Variants in SGCZ observed in about 807,000 individuals in gnomAD.
SGCZ encodes the protein sarcoglycan zeta, also known as zeta-sarcoglycan.
A neutral mutation model predicts 41.3 loss-of-function variants in SGCZ; 40 were observed. That is an observed-to-expected ratio of 0.97 (90% CI 0.75 to 1.26). The LOEUF is 1.26. SGCZ is among the 50% of genes most tolerant of loss of function. The pLI is 0.00. For missense variants in SGCZ, 552 were observed against 369.8 expected (o/e 1.49, Z -4.04); for synonymous variants, 206 against 137.5 (o/e 1.50, Z -3.49).
chr8:14,515,586 A>G (rs1474008909), intron 2 of SGCZ, among the ~76,000 whole-genome samples: 3 of 152,130 alleles, frequency 2.0e-5, no homozygotes, highest in Admixed American at 2.0e-4. Context: ...GTTTATTTAT[A>G]ACTATTTGAA....
intron 1 of SGCZ, among the ~76,000 whole-genome samples, chr8:15,091,834 G>A (rs186844371): frequency 6.6e-6 from 1 of 152,180 alleles, no homozygotes; most frequent in Non-Finnish European, 1.5e-5. Flanking sequence ...CTCACTGCAG[G>A]TTCCACATCC....
chr8:14,768,373 G>A (rs1800112321), intron 1 of SGCZ, among the ~76,000 whole-genome samples: 1 of 152,166 alleles, frequency 6.6e-6, no homozygotes, highest in South Asian at 2.1e-4. Flanking sequence ...GCGTCCTATA[G>A]TGATAATGAA....
intron 1 of SGCZ, among the ~76,000 whole-genome samples, chr8:14,621,345 G>A (rs1312396862): frequency 1.9e-4 from 29 of 150,202 alleles, no homozygotes; most frequent in African/African-American, 5.9e-4. Flanking sequence ...TAAATGACAA[G>A]TTAACGGGTG....
chr8:14,466,427 G>C (rs1216723056), intron 2 of SGCZ, among the ~76,000 whole-genome samples: 2 of 151,952 alleles, frequency 1.3e-5, no homozygotes, highest in Non-Finnish European at 2.9e-5. Context: ...CAAAGGTCTA[G>C]ATTATAACAT....
chr8:14,624,802 C>G (rs954540933), intron 1 of SGCZ, among the ~76,000 whole-genome samples: 7 of 151,692 alleles, frequency 4.6e-5, no homozygotes, highest in Non-Finnish European at 1.0e-4. Context: ...AACTCCTGAC[C>G]TCAGGAGATC....
At chr8:14,437,324 T>C (rs1800122011) in intron 2 of SGCZ, among the ~76,000 whole-genome samples, 1 of 152,178 alleles carries the variant, frequency 6.6e-6, no homozygotes, top group Admixed American at 6.5e-5. Context: ...TTACCACTTG[T>C]CAAGTTTTGC....
chr8:14,785,764 G>T (rs1287897773), intron 1 of SGCZ, among the ~76,000 whole-genome samples: 3 of 152,042 alleles, frequency 2.0e-5, no homozygotes, highest in African/African-American at 7.2e-5. Flanking sequence ...GCTTTAACTT[G>T]TTACTCTTTT....
intron 1 of SGCZ, among the ~76,000 whole-genome samples, chr8:15,235,494 C>G (rs547002289): frequency 7.9e-5 from 12 of 152,162 alleles, no homozygotes; most frequent in Non-Finnish European, 1.5e-4. Flanking sequence ...CAATATACCC[C>G]CTCATGCCCA....
At chr8:14,624,284 C>CAATGTTTAT (rs1806377351) in intron 1 of SGCZ, among the ~76,000 whole-genome samples, 1 of 152,070 alleles carries the variant, frequency 6.6e-6, no homozygotes, top group South Asian at 2.1e-4. Context: ...CCCCCAATAA[C>CAATGTTTAT]AATGTTTATA....
chr8:14,116,342 T>C (rs1287265795), intron 5 of SGCZ, among the ~76,000 whole-genome samples: 2 of 152,092 alleles, frequency 1.3e-5, no homozygotes, highest in South Asian at 4.1e-4. Flanking sequence ...TATTTAGAAT[T>C]TCCTTCTTAC....
At chr8:15,237,549 G>C in intron 1 of SGCZ, 36 bp downstream of exon 1, 1 of 1,580,556 alleles carries the variant, frequency 6.3e-7, no homozygotes, top group Non-Finnish European at 8.6e-7. Flanking sequence ...GGAGCGCCGA[G>C]AAGCGGCCGC....
At chr8:14,485,018 T>C (rs1319302441) in intron 2 of SGCZ, among the ~76,000 whole-genome samples, 2 of 152,190 alleles carry the variant, frequency 1.3e-5, no homozygotes, top group African/African-American at 4.8e-5. Flanking sequence ...TTTGTTTCTC[T>C]TTATGGCTTT....
At chr8:15,184,311 G>C (rs1378852360) in intron 1 of SGCZ, among the ~76,000 whole-genome samples, 1 of 152,116 alleles carries the variant, frequency 6.6e-6, no homozygotes, top group African/African-American at 2.4e-5. Flanking sequence ...GTGCATGTTA[G>C]TTGTAGTTAG....
intron 2 of SGCZ, among the ~76,000 whole-genome samples, chr8:14,479,702 C>G (rs1331599183): frequency 6.7e-6 from 1 of 148,920 alleles, no homozygotes; most frequent in African/African-American, 2.5e-5. Flanking sequence ...TTCTTTACCC[C>G]CAGGTCGCAT....
At chr8:14,508,413 G>T (rs890808036) in intron 2 of SGCZ, among the ~76,000 whole-genome samples, 1 of 152,100 alleles carries the variant, frequency 6.6e-6, no homozygotes, top group Non-Finnish European at 1.5e-5. Context: ...TTTAACAGAG[G>T]TAATTCTAAA....
chr8:14,868,827 T>C (rs144244425), intron 1 of SGCZ, among the ~76,000 whole-genome samples: 1 of 151,988 alleles, frequency 6.6e-6, no homozygotes, highest in Non-Finnish European at 1.5e-5. Context: ...GCAAATAAAT[T>C]TGAAAATCTA....
intron 1 of SGCZ, among the ~76,000 whole-genome samples, chr8:14,809,567 T>C (rs1801676479): frequency 6.6e-6 from 1 of 152,172 alleles, no homozygotes; most frequent in Non-Finnish European, 1.5e-5. Flanking sequence ...ATTTCAATGG[T>C]TGCTATCAAA....
chr8:14,793,966 A>G (rs1336612827), intron 1 of SGCZ, among the ~76,000 whole-genome samples: 1 of 152,212 alleles, frequency 6.6e-6, no homozygotes, highest in African/African-American at 2.4e-5. Context: ...TACCAGCCAG[A>G]TTATATCCTC....
chr8:14,276,695 C>A (rs904411972), intron 3 of SGCZ, among the ~76,000 whole-genome samples: 1 of 152,008 alleles, frequency 6.6e-6, no homozygotes, highest in African/African-American at 2.4e-5. Context: ...GTCTCTGGGG[C>A]TATTATTCTA....
Sources: gnomAD v4.1 joint callset for allele counts (sites outside exome capture counted in the v4.1 genomes callset) on GRCh38, gnomAD v4.1.1 for gene constraint, MANE v1.5 for transcripts, NCBI Gene and HGNC (gene_info 2026-07-23, HGNC 2026-07-21) for gene names.